The following CIAO2A variants were observed in gnomAD, a reference collection of about 807,000 sequenced individuals.
CIAO2A encodes the protein cytosolic iron-sulfur assembly component 2A.
Under a neutral mutation model 22.4 loss-of-function variants are expected in CIAO2A, and 17 were observed. The ratio of observed to expected loss-of-function variants is 0.76; its 90% CI spans 0.52 to 1.14. CIAO2A has a LOEUF of 1.14. Among genes scored for constraint, CIAO2A ranks in the 50% most tolerant of loss-of-function variants. CIAO2A has a pLI of 0.00. For synonymous variants in CIAO2A, 74 were observed against 72.3 expected (o/e 1.02, Z -0.12); for missense variants, 192 against 191.4 (o/e 1.00, Z -0.02).
At chr15:64,093,516 A>C (rs763165900) in intron 1 of CIAO2A, 129 bp downstream of exon 1, 2 of 1,058,994 alleles carry the variant, frequency 1.9e-6, no homozygotes, top group Non-Finnish European at 2.6e-6. Context: ...TCTGGCCAAA[A>C]ACAAACAAAC....
chr15:64,081,900 G>A (rs1415085627), intron 2 of CIAO2A, among the ~76,000 whole-genome samples: 1 of 152,078 alleles, frequency 6.6e-6, no homozygotes, highest in Non-Finnish European at 1.5e-5. Flanking sequence ...AATAAAACAA[G>A]TCAAAGCCAT....
intron 1 of CIAO2A, 127 bp from the exon 2 acceptor site, chr15:64,088,978 G>T: frequency 3.8e-6 from 3 of 788,784 alleles, no homozygotes; most frequent in Non-Finnish European, 3.9e-6. Flanking sequence ...CAACTCCCAG[G>T]TTTCTGACAG....
At chr15:64,078,507 G>T (rs949965819) in intron 3 of CIAO2A, among the ~76,000 whole-genome samples, 11 of 152,066 alleles carry the variant, frequency 7.2e-5, no homozygotes, top group African/African-American at 2.4e-4. Context: ...GTGGTGGTAT[G>T]CGCCTGTAAT....
chr15:64,082,108 A>G (rs2080762864), intron 2 of CIAO2A, among the ~76,000 whole-genome samples: 1 of 152,244 alleles, frequency 6.6e-6, no homozygotes, highest in Non-Finnish European at 1.5e-5. Flanking sequence ...GGGAGGTAGT[A>G]ACTTGGTTTT....
At chr15:64,084,238 G>A (rs945868374) in intron 2 of CIAO2A, among the ~76,000 whole-genome samples, 1 of 151,862 alleles carries the variant, frequency 6.6e-6, no homozygotes, top group Admixed American at 6.6e-5. Flanking sequence ...AAACTCCTAG[G>A]CTCCAGTGAT....
In CIAO2A at chr15:64,081,082, C is replaced by G. The variant is rs756121607; in HGVS notation, c.339+20G>C. On this transcript the variant is annotated intron_variant, in intron 3 of 4. Transcript: ENST00000300030. ...AGCTGTTTTACAACAACAACAACAACAAAAATACATCTTTCTTACCTTATG... is the reference window on the plus strand; with the variant it reads ...AGCTGTTTTACAACAACAACAACAAGAAAAATACATCTTTCTTACCTTATG... 38 of 1,609,318 alleles carry G rather than the reference C, an allele frequency of 2.4e-5. 1 individual carries two copies. In the South Asian group the frequency reaches 4.1e-4, roughly 17 times the overall value.
intron 2 of CIAO2A, among the ~76,000 whole-genome samples, chr15:64,083,361 A>G (rs959618378): frequency 1.1e-4 from 17 of 152,162 alleles, no homozygotes; most frequent in African/African-American, 4.1e-4. Flanking sequence ...GACCGTTCCC[A>G]TTGGACCACA....
chr15:64,093,598 G>A (rs1251806203), intron 1 of CIAO2A, 47 bp downstream of exon 1: 2 of 1,588,614 alleles, frequency 1.3e-6, no homozygotes, highest in East Asian at 4.5e-5. Context: ...CCTCAGCTCC[G>A]GCCTGCACCT....
intron 1 of CIAO2A, among the ~76,000 whole-genome samples, chr15:64,090,865 G>C (rs1240891000): frequency 6.6e-6 from 1 of 152,270 alleles, no homozygotes; most frequent in African/African-American, 2.4e-5. Context: ...ATATAAGTTG[G>C]GAGGAGCGGA....
intron 3 of CIAO2A, among the ~76,000 whole-genome samples, chr15:64,078,635 C>CA (rs1491101619): frequency 1.8e-3 from 36 of 20,344 alleles, no homozygotes; most frequent in African/African-American, 3.3e-3. Context: ...GATTCCATCG[C>CA]AAACAAAAAA....
intron 3 of CIAO2A, among the ~76,000 whole-genome samples, chr15:64,079,752 T>C (rs2080747000): frequency 6.6e-6 from 1 of 152,094 alleles, no homozygotes; most frequent in Non-Finnish European, 1.5e-5. Flanking sequence ...AATAGTAGGG[T>C]TAAAAACATC....
At chr15:64,075,412 T>C (rs1171542688) in intron 4 of CIAO2A, 80 bp downstream of exon 4, 1 of 884,394 alleles carries the variant, frequency 1.1e-6, no homozygotes, top group Admixed American at 3.1e-5. Flanking sequence ...CAGTAGATTC[T>C]TGGCTGGCAG....
At chr15:64,092,060 T>A (rs1252663405) in intron 1 of CIAO2A, among the ~76,000 whole-genome samples, 3 of 107,254 alleles carry the variant, frequency 2.8e-5, no homozygotes, top group Admixed American at 1.0e-4. Flanking sequence ...TGAGACCCTG[T>A]CTCAAAAAAA....
At chr15:64,075,703 T>G (rs1356963861) in intron 3 of CIAO2A, among the ~76,000 whole-genome samples, 166 bp from the exon 4 acceptor site, 1 of 149,644 alleles carries the variant, frequency 6.7e-6, no homozygotes, top group African/African-American at 2.5e-5. Flanking sequence ...CAGGCTGGAG[T>G]GCAGTGGCAT....
intron 1 of CIAO2A, among the ~76,000 whole-genome samples, chr15:64,089,452 T>TTGTGG (rs56681349): frequency 6.6e-5 from 10 of 151,096 alleles, no homozygotes; most frequent in Non-Finnish European, 1.3e-4. Context: ...GAGGCAGAGG[T>TTGTGG]TGAGAGCGGA....
chr15:64,088,868 G>C lies in CIAO2A; in HGVS notation c.125-17C>G, dbSNP rs762923165. 3.8e-6 allele frequency: 6 copies of C among 1,595,258 alleles called. No homozygotes were observed. Among genetic ancestry groups the C allele is most frequent in the Non-Finnish European group, 5.1e-6 (6 of 1,173,722 alleles). On this transcript the variant is annotated splice_polypyrimidine_tract_variant and intron_variant, in intron 1 of 4. Coordinates refer to ENST00000300030, the MANE Select transcript of CIAO2A (RefSeq NM_032231.7). ...TAATCAAATCTAAAGAATCATCAGA[G>C]ATAAGATATTCTATTAAAACATGAC...
intron 3 of CIAO2A, among the ~76,000 whole-genome samples, chr15:64,078,531 G>A (rs1432581600): frequency 1.3e-5 from 2 of 151,984 alleles, no homozygotes; most frequent in African/African-American, 4.8e-5. Context: ...AGCTATTTGG[G>A]AGGCTGAGGC....
At chr15:64,086,538 T>C (rs199536404) in intron 2 of CIAO2A, among the ~76,000 whole-genome samples, 2 of 152,184 alleles carry the variant, frequency 1.3e-5, no homozygotes, top group Non-Finnish European at 2.9e-5. Flanking sequence ...TTTCAGTATC[T>C]GTTCGTTCAC....
At chr15:64,087,268 G>C (rs996166303) in intron 2 of CIAO2A, among the ~76,000 whole-genome samples, 1 of 151,502 alleles carries the variant, frequency 6.6e-6, no homozygotes, top group Non-Finnish European at 1.5e-5. Context: ...ATTTTTTATA[G>C]TTTTAGTAGA....
Sources: allele counts gnomAD v4.1 joint callset (sites outside exome capture counted in the v4.1 genomes callset), GRCh38; gene constraint gnomAD v4.1.1; transcripts MANE v1.5; gene names NCBI Gene and HGNC (gene_info 2026-07-23, HGNC 2026-07-21).